The following FGF12 variants were observed in gnomAD, a reference collection of about 807,000 sequenced individuals.
FGF12 encodes the protein fibroblast growth factor 12B.
FGF12 carries 14 observed loss-of-function variants against 23.6 expected under a neutral mutation model. The ratio of observed to expected loss-of-function variants is 0.59; its 90% CI spans 0.39 to 0.93. The LOEUF is 0.93. FGF12 is among the 40% of genes least tolerant of loss of function. The probability of loss-of-function intolerance (pLI) is 0.00; values close to 1 mark genes in which losing one functional copy is unlikely to be tolerated. For synonymous variants in FGF12, 62 were observed against 77.3 expected, an observed-to-expected ratio of 0.80 and a Z score of 1.04; for missense variants, 175 against 217.8, an observed-to-expected ratio of 0.80 and a Z score of 1.24.
At chr3:192,698,369 G>C (rs1718190345) in intron 2 of FGF12, among the ~76,000 whole-genome samples, 1 of 152,152 alleles carries the variant, frequency 6.6e-6, no homozygotes, top group South Asian at 2.1e-4. Context: ...TTATGTAGCT[G>C]TATAAGTTTA....
chr3:192,170,400 A>T, intron 5 of FGF12, 58 bp downstream of exon 5: 3 of 1,435,286 alleles, frequency 2.1e-6, no homozygotes, highest in Non-Finnish European at 2.9e-6. Flanking sequence ...GGCAAGAAGC[A>T]GAATTGATGT....
intron 2 of FGF12, among the ~76,000 whole-genome samples, chr3:192,523,837 T>C (rs964393984): frequency 3.9e-5 from 6 of 152,188 alleles, no homozygotes; most frequent in African/African-American, 1.2e-4. Context: ...GTGGTAATGA[T>C]AGCACAGATG....
intron 4 of FGF12, among the ~76,000 whole-genome samples, chr3:192,223,700 TG>T (rs1381854402): frequency 6.6e-5 from 10 of 152,146 alleles, no homozygotes; most frequent in African/African-American, 1.9e-4. Flanking sequence ...ATATGCAGAA[TG>T]TATTGAGAAA....
At chr3:192,279,230 G>GTGTATATATATATATATATATATATATA (rs1238001381) in intron 4 of FGF12, among the ~76,000 whole-genome samples, 1 of 131,922 alleles carries the variant, frequency 7.6e-6, no homozygotes, top group Non-Finnish European at 1.6e-5. Flanking sequence ...TAATGTATGA[G>GTGTATATATATATATATATATATATATA]TATATATATA....
intron 2 of FGF12, among the ~76,000 whole-genome samples, chr3:192,410,700 G>T (rs1324581702): frequency 2.0e-5 from 3 of 152,148 alleles, no homozygotes; most frequent in Admixed American, 6.5e-5. Context: ...TGCAAAGCAG[G>T]CTCAGTCCCT....
At chr3:192,258,754 A>G (rs1290324715) in intron 4 of FGF12, among the ~76,000 whole-genome samples, 2 of 152,182 alleles carry the variant, frequency 1.3e-5, no homozygotes, top group South Asian at 2.1e-4. Flanking sequence ...TCCTCAAGTA[A>G]TGATATATGA....
intron 2 of FGF12, among the ~76,000 whole-genome samples, chr3:192,547,718 G>A (rs990305041): frequency 6.6e-6 from 1 of 152,104 alleles, no homozygotes; most frequent in Non-Finnish European, 1.5e-5. Context: ...ACCTGCTCTA[G>A]GTATATAATG....
intron 2 of FGF12, among the ~76,000 whole-genome samples, chr3:192,517,917 A>T (rs1225917761): frequency 6.6e-6 from 1 of 152,178 alleles, no homozygotes; most frequent in Non-Finnish European, 1.5e-5. Context: ...ATCTTGAGCA[A>T]TATATCAGAA....
intron 2 of FGF12, among the ~76,000 whole-genome samples, chr3:192,505,210 A>T (rs1420109462): frequency 6.6e-6 from 1 of 152,126 alleles, no homozygotes; most frequent in Non-Finnish European, 1.5e-5. Flanking sequence ...ACTATTCTCC[A>T]CCTAGCTACA....
chr3:192,563,091 A>G (rs2108596072), intron 2 of FGF12, among the ~76,000 whole-genome samples: 1 of 152,322 alleles, frequency 6.6e-6, no homozygotes, highest in East Asian at 1.9e-4. Context: ...TATGCCATGA[A>G]AGAAGATTAG....
At chr3:192,688,289 T>A (rs1300987947) in intron 2 of FGF12, among the ~76,000 whole-genome samples, 1 of 151,924 alleles carries the variant, frequency 6.6e-6, no homozygotes, top group Non-Finnish European at 1.5e-5. Context: ...TATACTTCCA[T>A]TCATGGTGCC....
intron 4 of FGF12, among the ~76,000 whole-genome samples, chr3:192,287,294 C>T (rs547044812): frequency 6.6e-6 from 1 of 152,146 alleles, no homozygotes; most frequent in African/African-American, 2.4e-5. Flanking sequence ...ATCTCATTCT[C>T]CAGTTGTATT....
At chr3:192,184,498 C>G (rs192123226) in intron 4 of FGF12, among the ~76,000 whole-genome samples, 83 of 152,206 alleles carry the variant, frequency 5.5e-4, no homozygotes, top group Non-Finnish European at 1.1e-3. Flanking sequence ...GACCGATGGT[C>G]TGAATTAGAG....
At chr3:192,434,168 GA>G (rs1721945395) in intron 2 of FGF12, among the ~76,000 whole-genome samples, 1 of 152,094 alleles carries the variant, frequency 6.6e-6, no homozygotes, top group Admixed American at 6.6e-5. Context: ...AAAAAACCCA[GA>G]AAACAAAACA....
chr3:192,510,250 G>C lies in FGF12; in HGVS notation c.14-149712C>G, dbSNP rs185184587. Among the ~76,000 whole-genome samples, 194 of 152,198 alleles carry C rather than the reference G, an allele frequency of 1.3e-3. 3 individuals are homozygous for C. Among genetic ancestry groups the C allele is most frequent in the Non-Finnish European group, 2.5e-4 (17 of 68,014 alleles). On this transcript the variant is annotated intron_variant, in intron 2 of 5. Transcript: ENST00000445105. The stretch of plus-strand genomic sequence containing the variant: ...GCCCAGCAGAAGGACCCAAAATATT[G>C]GGTGAAAAGTGCTAATGACAACTCA...
intron 2 of FGF12, among the ~76,000 whole-genome samples, chr3:192,446,972 A>G (rs781731639): frequency 4.1e-4 from 63 of 152,212 alleles, no homozygotes; most frequent in South Asian, 1.2e-3. Flanking sequence ...GTCTTTGCTT[A>G]AACAAAACTT....
chr3:192,181,119 T>C (rs1302216157), intron 4 of FGF12, among the ~76,000 whole-genome samples: 3 of 152,056 alleles, frequency 2.0e-5, no homozygotes, highest in Admixed American at 6.6e-5. Context: ...AGGCCCAGCA[T>C]AGAATGGCTG....
intron 2 of FGF12, among the ~76,000 whole-genome samples, chr3:192,641,786 CTAAA>C (rs1228758726): frequency 6.6e-6 from 1 of 152,128 alleles, no homozygotes; most frequent in Non-Finnish European, 1.5e-5. Flanking sequence ...TTCCATGCTC[CTAAA>C]TAAAAAGTGT....
chr3:192,169,344 T>A lies in FGF12; in HGVS notation c.427+1114A>T, dbSNP rs187925108. ...TGACAGAGCAAGACTCCATCTCAAATAAATAAATAAATAAAGTGAAAATAT... is the reference window on the plus strand; with the variant it reads ...TGACAGAGCAAGACTCCATCTCAAAAAAATAAATAAATAAAGTGAAAATAT... On this transcript the variant is annotated intron_variant, in intron 5 of 5. Coordinates refer to ENST00000445105, the MANE Select transcript of FGF12 (RefSeq NM_004113.6). 1.8e-4 allele frequency among the ~76,000 whole-genome samples: 27 copies of A among 151,938 alleles called. No individual in the cohort carries two copies. In the East Asian group the frequency reaches 2.7e-3, roughly 15 times the overall value.
Sources: allele counts gnomAD v4.1 joint callset (sites outside exome capture counted in the v4.1 genomes callset), GRCh38; gene constraint gnomAD v4.1.1; transcripts MANE v1.5; gene names NCBI Gene and HGNC (gene_info 2026-07-23, HGNC 2026-07-21).